The following ZFR variants were observed in gnomAD, a reference collection of about 807,000 sequenced individuals.
The protein encoded by ZFR is zinc finger RNA binding protein.
A neutral mutation model predicts 130.7 loss-of-function variants in ZFR; 19 were observed. The ratio of observed to expected loss-of-function variants is 0.15; its 90% CI spans 0.10 to 0.21. The LOEUF (loss-of-function observed/expected upper bound fraction) is 0.21. Ranked by LOEUF, ZFR falls within the 10% of genes least tolerant of loss-of-function variation. The probability of loss-of-function intolerance (pLI) is 1.00; values close to 1 mark genes in which losing one functional copy is unlikely to be tolerated. For synonymous variants in ZFR, 466 were observed against 456.9 expected (o/e 1.02, Z -0.25); for missense variants, 872 against 1,321.5 (o/e 0.66, Z 5.27).
At chr5:32,389,446 A>G (rs941565090) in intron 12 of ZFR, among the ~76,000 whole-genome samples, 6 of 152,204 alleles carry the variant, frequency 3.9e-5, no homozygotes, top group African/African-American at 1.4e-4. Context: ...GTCTTCCTAA[A>G]GTACTGGGAT....
chr5:32,435,863 T>C (rs1227983819), intron 2 of ZFR, among the ~76,000 whole-genome samples: 2 of 152,218 alleles, frequency 1.3e-5, no homozygotes, highest in Non-Finnish European at 2.9e-5. Context: ...AGTATCTATG[T>C]GAACACTAGA....
At chr5:32,395,357 TGTA>T in intron 10 of ZFR, 53 bp from the exon 11 acceptor site, 1 of 1,342,800 alleles carries the variant, frequency 7.4e-7, no homozygotes. Flanking sequence ...ACAATCTACA[TGTA>T]TTTTTAATCA....
intron 8 of ZFR, among the ~76,000 whole-genome samples, chr5:32,401,134 CAACT>C (rs1256358660): frequency 1.3e-5 from 2 of 152,152 alleles, no homozygotes; most frequent in Admixed American, 6.5e-5. Context: ...CTTAACACTT[CAACT>C]AACTGTCCAA....
chr5:32,429,205 C>A (rs1754145787), intron 2 of ZFR, among the ~76,000 whole-genome samples: 1 of 152,100 alleles, frequency 6.6e-6, no homozygotes, highest in South Asian at 2.1e-4. Flanking sequence ...CCAGGATGGT[C>A]TCGATCTCCT....
intron 2 of ZFR, among the ~76,000 whole-genome samples, chr5:32,428,101 T>C (rs150705169): frequency 1.3e-5 from 2 of 152,164 alleles, no homozygotes; most frequent in African/African-American, 2.4e-5. Flanking sequence ...GGCAAAAAAT[T>C]AGACAAATGA....
chr5:32,379,668 A>T, intron 16 of ZFR: 1 of 192,764 alleles, frequency 5.2e-6, no homozygotes, highest in Non-Finnish European at 1.1e-5. Context: ...ACACTTATTA[A>T]CTTAGAGAAA....
At chr5:32,414,770 T>G (rs773193791) in intron 5 of ZFR, among the ~76,000 whole-genome samples, 199 bp downstream of exon 5, 4 of 152,194 alleles carry the variant, frequency 2.6e-5, no homozygotes, top group Non-Finnish European at 4.4e-5. Context: ...ATTATATTCT[T>G]CTAAGATCTT....
At chr5:32,360,771 T>C (rs1423072393) in intron 19 of ZFR, among the ~76,000 whole-genome samples, 3 of 152,214 alleles carry the variant, frequency 2.0e-5, no homozygotes, top group East Asian at 1.9e-4. Context: ...TTTTCCTTTT[T>C]TTAAGCGATG....
chr5:32,370,310 GGAGAGAGAGAGAGA>G (rs769362722), intron 17 of ZFR, among the ~76,000 whole-genome samples: 4 of 69,856 alleles, frequency 5.7e-5, no homozygotes, highest in East Asian at 8.6e-4. Context: ...TGTTGTGGGG[GGAGAGAGAGAGAGA>G]GAGAGAGAGA....
intron 19 of ZFR, among the ~76,000 whole-genome samples, chr5:32,356,478 G>A (rs1199456135): frequency 6.6e-6 from 1 of 151,306 alleles, no homozygotes; most frequent in South Asian, 2.1e-4. Context: ...AGTGGTGCGA[G>A]CTTGGCTCAC....
chr5:32,374,519 A>T (rs567644042), intron 17 of ZFR, among the ~76,000 whole-genome samples: 22 of 151,952 alleles, frequency 1.4e-4, no homozygotes, highest in African/African-American at 4.1e-4. Flanking sequence ...AAATAATTAA[A>T]TAAATAAATA....
At chr5:32,436,544 T>C (rs780967913) in intron 2 of ZFR, among the ~76,000 whole-genome samples, 7 of 152,218 alleles carry the variant, frequency 4.6e-5, no homozygotes, top group Non-Finnish European at 1.0e-4. Flanking sequence ...TCTAGTTTCA[T>C]CCATATTCAC....
At position 32,405,560 on chromosome 5, in the gene ZFR, T is replaced by G. The variant is rs149532403; in HGVS notation, c.1032+1214A>C. Among the ~76,000 whole-genome samples, 1,510 of 152,328 alleles carry G rather than the reference T, an allele frequency of 9.9e-3. 36 individuals are homozygous for G. Among genetic ancestry groups the G allele is most frequent in the African/African-American group, 0.034 (1,428 of 41,556 alleles). ...ATCACCCAAGCGTCACGCTGTATAC[T>G]TTCATATAAGCCAGGTAATCAATAA... is the stretch of plus-strand genomic sequence containing the variant. On this transcript the variant is annotated intron_variant, in intron 6 of 19. Transcript: ENST00000265069.
chr5:32,432,769 C>G (rs1270224724), intron 2 of ZFR, among the ~76,000 whole-genome samples: 3 of 151,960 alleles, frequency 2.0e-5, no homozygotes, highest in Non-Finnish European at 4.4e-5. Context: ...CACTCTGTCA[C>G]CCAGGAAGGA....
intron 19 of ZFR, among the ~76,000 whole-genome samples, chr5:32,359,806 G>A (rs958564918): frequency 2.6e-5 from 4 of 152,054 alleles, no homozygotes; most frequent in African/African-American, 7.2e-5. Context: ...AAAAGTAGCC[G>A]GGGGGTGGTG....
intron 2 of ZFR, among the ~76,000 whole-genome samples, chr5:32,437,264 T>C (rs569174751): frequency 3.9e-5 from 6 of 152,282 alleles, no homozygotes; most frequent in African/African-American, 1.4e-4. Flanking sequence ...GACTCATCTG[T>C]CTCCACCCTC....
At chr5:32,407,148 A>AT (rs1470636502) in intron 5 of ZFR, 127 bp from the exon 6 acceptor site, 3 of 847,796 alleles carry the variant, frequency 3.5e-6, no homozygotes, top group Non-Finnish European at 5.1e-6. Context: ...TTACAAACGT[A>AT]TATCTCACAG....
chr5:32,444,310 TC>T lies in ZFR; in HGVS notation c.55del (p.Glu19LysfsTer35), dbSNP rs1332731928. 1 of 1,542,668 alleles carries T rather than the reference TC, an allele frequency of 6.5e-7. No homozygotes were observed. Among genetic ancestry groups the T allele is most frequent in the African/African-American group, 1.4e-5 (1 of 72,380 alleles). ...GTTGCCGGTCGCCATTTTGGCATCTTCCCCCAGCCGGCTGGGCACTGCGGCG... is the reference window on the plus strand; with the variant it reads ...GTTGCCGGTCGCCATTTTGGCATCTTCCCCAGCCGGCTGGGCACTGCGGCG... ...SFTYVPSRLG[E>X]DAKMATGNYF... On this transcript the variant is annotated frameshift_variant, in exon 2 of 20. Transcript: ENST00000265069. LOFTEE classifies it high-confidence loss of function.
chr5:32,379,927 GCTTT>G lies in ZFR; in HGVS notation c.2739+144_2739+147del, dbSNP rs1415970220. The G allele has an allele frequency of 8.6e-6, 5 of 583,132 alleles. No homozygotes were observed. The Admixed American group carries it at 8.9e-5, about 10-fold the overall frequency. 36.1% of individuals were successfully genotyped at this position (583,132 alleles called of 1,614,324 possible). A position where few individuals can be genotyped will look rare whatever the true frequency, so the allele number is the denominator to read the frequency against. ...TGCAATATGCAGATCATCATACCCAGCTTTCTATGTTAACATATTTTCTGATATT... is the reference window on the plus strand; with the variant it reads ...TGCAATATGCAGATCATCATACCCAGCTATGTTAACATATTTTCTGATATT... On this transcript the variant is annotated intron_variant, in intron 16 of 19. Transcript: ENST00000265069.
Sources: gnomAD v4.1 joint callset for allele counts (sites outside exome capture counted in the v4.1 genomes callset) on GRCh38, gnomAD v4.1.1 for gene constraint, MANE v1.5 for transcripts, NCBI Gene and HGNC (gene_info 2026-07-23, HGNC 2026-07-21) for gene names.